ADAMTSL1: variants seen among roughly 807,000 people sequenced by gnomAD.
ADAMTSL1 encodes the protein ADAMTS-like protein 1.
ADAMTSL1 carries 126 observed loss-of-function variants against 201.8 expected under a neutral mutation model. The observed-to-expected ratio is 0.62, with a 90% CI of 0.54 to 0.72. ADAMTSL1 has a LOEUF of 0.72. Among genes scored for constraint, ADAMTSL1 ranks in the 30% least tolerant of loss-of-function variants. The pLI is 0.00. For missense variants in ADAMTSL1, 2,679 were observed against 2,277.8 expected, an observed-to-expected ratio of 1.18 and a Z score of -3.59; for synonymous variants, 1,121 against 903.4, an observed-to-expected ratio of 1.24 and a Z score of -4.32.
At chr9:18,394,217 T>C (rs1303803805) in intron 2 of ADAMTSL1, among the ~76,000 whole-genome samples, 1 of 152,118 alleles carries the variant, frequency 6.6e-6, no homozygotes, top group East Asian at 1.9e-4. Flanking sequence ...CATTGACCAA[T>C]AAAAATTAGC....
intron 2 of ADAMTSL1, among the ~76,000 whole-genome samples, chr9:18,289,899 T>G (rs10963557): frequency 0.035 from 5,321 of 152,272 alleles, 122 homozygotes; most frequent in Non-Finnish European, 0.051. Context: ...ACAAATACAA[T>G]GATTGCAAAG....
rs1028623781 is a variant in ADAMTSL1 at position 18,154,151 on chromosome 9, C to A, written c.88-9711C>A. On this transcript the variant is annotated intron_variant, in intron 1 of 29. Transcript: ENST00000680146. ...CACCCCTTTTTTGTGCTTCTGAAAGCAAACGTGGGTTATGAAGATGAATTT... is the reference window on the plus strand; with the variant it reads ...CACCCCTTTTTTGTGCTTCTGAAAGAAAACGTGGGTTATGAAGATGAATTT... 2.6e-4 allele frequency among the ~76,000 whole-genome samples: 40 copies of A among 152,082 alleles called. No individual in the cohort carries two copies. The Middle Eastern group carries it at 0.01, about 39-fold the overall frequency.
intron 1 of ADAMTSL1, among the ~76,000 whole-genome samples, chr9:18,081,133 G>T (rs1823482560): frequency 6.6e-6 from 1 of 152,194 alleles, no homozygotes; most frequent in Middle Eastern, 3.2e-3. Context: ...TTGGCAGTTT[G>T]CAGCTTTGAG....
intron 15 of ADAMTSL1, among the ~76,000 whole-genome samples, chr9:18,744,919 A>G (rs1413988760): frequency 6.6e-6 from 1 of 152,052 alleles, no homozygotes; most frequent in Non-Finnish European, 1.5e-5. Flanking sequence ...TGATTTTTGA[A>G]TTTTTGACAG....
At chr9:18,085,582 G>GTGTGTGTGTATACGTATATACAC (rs1408523169) in intron 1 of ADAMTSL1, among the ~76,000 whole-genome samples, 1,553 of 147,288 alleles carry the variant, frequency 0.011, 24 homozygotes, top group African/African-American at 0.029. Flanking sequence ...TATACACACT[G>GTGTGTGTGTATACGTATATACAC]TGTGTGTGTA....
intron 1 of ADAMTSL1, among the ~76,000 whole-genome samples, chr9:18,040,072 G>A (rs1043770724): frequency 2.0e-5 from 3 of 152,200 alleles, no homozygotes; most frequent in South Asian, 2.1e-4. Flanking sequence ...CATTTATTCA[G>A]CATTATTTTA....
At chr9:18,853,889 C>CTCTGTGTGTG (rs1314550014) in intron 23 of ADAMTSL1, among the ~76,000 whole-genome samples, 1 of 120,300 alleles carries the variant, frequency 8.3e-6, no homozygotes, top group Admixed American at 8.8e-5. Flanking sequence ...TATTCACTCT[C>CTCTGTGTGTG]TGTGTGTGTG....
At chr9:18,163,213 C>T (rs1448483263) in intron 1 of ADAMTSL1, among the ~76,000 whole-genome samples, 1 of 152,006 alleles carries the variant, frequency 6.6e-6, no homozygotes, top group East Asian at 1.9e-4. Flanking sequence ...TGACAAATTC[C>T]TGAAACCCTT....
chr9:18,060,939 A>T (rs945749122), intron 1 of ADAMTSL1, among the ~76,000 whole-genome samples: 1 of 152,210 alleles, frequency 6.6e-6, no homozygotes, highest in Non-Finnish European at 1.5e-5. Context: ...GAAATTAAAC[A>T]GGTACTATGT....
chr9:18,465,190 T>C (rs182069780), intron 2 of ADAMTSL1, among the ~76,000 whole-genome samples: 5 of 152,306 alleles, frequency 3.3e-5, no homozygotes, highest in African/African-American at 1.2e-4. Context: ...AAGGCAGTTC[T>C]CCCAGAGGCC....
intron 2 of ADAMTSL1, among the ~76,000 whole-genome samples, chr9:18,404,916 G>C (rs148030580): frequency 1.5e-4 from 23 of 152,198 alleles, no homozygotes; most frequent in African/African-American, 5.3e-4. Flanking sequence ...CCCCTCCCCA[G>C]CTTCTTTGGT....
intron 13 of ADAMTSL1, among the ~76,000 whole-genome samples, chr9:18,706,358 G>C (rs10738515): frequency 0.54 from 81,978 of 152,020 alleles, 22,227 homozygotes; most frequent in South Asian, 0.66. Context: ...GGATCTGGCC[G>C]GCTTCTTTCC....
chr9:18,091,155 C>T (rs751399236), intron 1 of ADAMTSL1, among the ~76,000 whole-genome samples: 11 of 151,832 alleles, frequency 7.2e-5, no homozygotes, highest in Admixed American at 2.0e-4. Context: ...ATTAGCCCCA[C>T]GGTACTGTTT....
intron 2 of ADAMTSL1, among the ~76,000 whole-genome samples, chr9:18,359,249 C>T (rs1001667639): frequency 4.6e-5 from 7 of 152,160 alleles, no homozygotes; most frequent in Admixed American, 6.5e-5. Context: ...TTCCCTCTAT[C>T]GGGGCCCTTT....
intron 15 of ADAMTSL1, 27 bp downstream of exon 15, chr9:18,721,692 G>A: frequency 3.7e-6 from 6 of 1,611,822 alleles, no homozygotes; most frequent in Middle Eastern, 1.7e-4. Flanking sequence ...CTGCCCTGCT[G>A]TCCAGGGGCA....
chr9:18,558,435 G>T (rs1177510459), intron 3 of ADAMTSL1, among the ~76,000 whole-genome samples: 2 of 152,150 alleles, frequency 1.3e-5, no homozygotes, highest in African/African-American at 2.4e-5. Flanking sequence ...TTGGTTCCAA[G>T]TCTCTGCTCT....
rs1264689087 is a variant in ADAMTSL1 at position 17,910,329 on chromosome 9, A to G, written c.87+3407A>G. Among the ~76,000 whole-genome samples, 4 of 69,252 alleles carry G rather than the reference A, an allele frequency of 5.8e-5. 2 individuals are homozygous for G. Among genetic ancestry groups the G allele is most frequent in the Non-Finnish European group, 1.8e-4 (4 of 22,610 alleles). The allele number at this position is 69,252 out of a possible 152,430, so 45.4% of individuals were successfully genotyped here. A position where few individuals can be genotyped will look rare whatever the true frequency, so the allele number is the denominator to read the frequency against. On this transcript the variant is annotated intron_variant, in intron 1 of 29. Coordinates refer to the ADAMTSL1 transcript ENST00000680146. ...ATACCTGCTCATATTTGGATCCAGC[A>G]AAGATGCTAAAAAGGAGCTTGTAGT...
At chr9:18,902,040 A>G (rs957612380) in intron 26 of ADAMTSL1, among the ~76,000 whole-genome samples, 1 of 152,258 alleles carries the variant, frequency 6.6e-6, no homozygotes, top group African/African-American at 2.4e-5. Flanking sequence ...ATACAGTGAT[A>G]AAAGGGTCAA....
At chr9:18,151,372 C>G (rs1307036865) in intron 1 of ADAMTSL1, among the ~76,000 whole-genome samples, 3 of 152,080 alleles carry the variant, frequency 2.0e-5, no homozygotes, top group Non-Finnish European at 4.4e-5. Context: ...AGCTAATTCA[C>G]AGTTTCTCAG....
Sources: gnomAD v4.1 joint callset for allele counts (sites outside exome capture counted in the v4.1 genomes callset) on GRCh38, gnomAD v4.1.1 for gene constraint, MANE v1.5 for transcripts, NCBI Gene and HGNC (gene_info 2026-07-23, HGNC 2026-07-21) for gene names.